Variants in RCBTB1 observed in about 807,000 individuals in gnomAD.
RCBTB1 encodes the protein RCC1 and BTB domain-containing protein 1.
In RCBTB1, 46 loss-of-function variants were observed where a neutral mutation model predicts 62.4. That is an observed-to-expected ratio of 0.74 (90% CI 0.58 to 0.94). The LOEUF is 0.94. Among genes scored for constraint, RCBTB1 ranks in the 40% least tolerant of loss-of-function variants. RCBTB1 has a pLI of 0.00. For missense variants in RCBTB1, 565 were observed against 654.9 expected (o/e 0.86, Z 1.50); for synonymous variants, 222 against 245.8 (o/e 0.90, Z 0.91).
chr13:49,549,335 A>C, intron 9 of RCBTB1, 123 bp downstream of exon 9: 2 of 842,326 alleles, frequency 2.4e-6, no homozygotes, highest in Non-Finnish European at 3.6e-6. Context: ...TTTTGACGGA[A>C]CGTATGAAAG....
intron 2 of RCBTB1, among the ~76,000 whole-genome samples, chr13:49,572,828 G>A (rs933604339): frequency 2.6e-5 from 4 of 152,126 alleles, no homozygotes; most frequent in African/African-American, 9.7e-5. Context: ...AATCACTCCA[G>A]AGGGTTGCAC....
At chr13:49,553,241 A>C (rs1453461104) in intron 6 of RCBTB1, among the ~76,000 whole-genome samples, 1 of 152,210 alleles carries the variant, frequency 6.6e-6, no homozygotes, top group Admixed American at 6.5e-5. Context: ...AAAGTGCAAT[A>C]CATCTATAAA....
At chr13:49,534,483 A>T (rs1416974957) in intron 12 of RCBTB1, among the ~76,000 whole-genome samples, 1 of 152,042 alleles carries the variant, frequency 6.6e-6, no homozygotes, top group Non-Finnish European at 1.5e-5. Flanking sequence ...CTCTAACTCA[A>T]AGTACGACTC....
At chr13:49,554,349 A>C (rs80145613) in intron 6 of RCBTB1, among the ~76,000 whole-genome samples, 4,048 of 152,308 alleles carry the variant, frequency 0.027, 133 homozygotes, top group East Asian at 0.15. Flanking sequence ...TAAAAATTAA[A>C]CTTATTTTTA....
In RCBTB1 at chr13:49,551,454, G is replaced by A. The variant is rs752587795; in HGVS notation, c.726C>T (p.Tyr242=). Residue 242 remains tyrosine (Y), a synonymous_variant, in exon 8 of 13, where the codon TAC becomes TAT. Transcript: ENST00000378302. Reference sequence around the variant, plus strand: ...CATCTGTTAGTGCTAGAGTATGTGCGTAACCGCAGACAATCTGCAAGTAAA... The same window carrying A: ...CATCTGTTAGTGCTAGAGTATGTGCATAACCGCAGACAATCTGCAAGTAAA... ...SVCVNQIVCG[Y]AHTLALTDEG... 146 of 1,613,938 alleles carry A rather than the reference G, an allele frequency of 9.0e-5. No homozygotes were observed. The highest frequency in any genetic ancestry group is 1.6e-4 in the Middle Eastern group (1 of 6,084).
intron 5 of RCBTB1, among the ~76,000 whole-genome samples, chr13:49,559,669 A>G (rs993133305): frequency 6.6e-6 from 1 of 151,410 alleles, no homozygotes; most frequent in East Asian, 1.9e-4. Flanking sequence ...AAAAAAAAAA[A>G]AAAGAAAGTT....
chr13:49,551,130 G>GAGGGAGA (rs1269040537), intron 8 of RCBTB1, 196 bp downstream of exon 8: 2 of 524,224 alleles, frequency 3.8e-6, no homozygotes, highest in Admixed American at 3.7e-5. Context: ...GGGAAGGGGG[G>GAGGGAGA]AGGGAGAAGG....
rs202071748 is a variant in RCBTB1 at position 49,549,660 on chromosome 13, T to C, written c.855-12A>G. On this transcript the variant is annotated splice_polypyrimidine_tract_variant and intron_variant, in intron 8 of 12. Transcript: ENST00000378302. ...CAATCTCTACCACCCTGAAAAGTTT[T>C]AAGAAAAATGCATGTTACTTCATGA... 104 of 1,592,468 alleles carry C rather than the reference T, an allele frequency of 6.5e-5. No homozygotes were observed. The highest frequency in any genetic ancestry group is 8.4e-5 in the Non-Finnish European group (98 of 1,166,528).
At chr13:49,544,969 T>A (rs1960683727) in intron 9 of RCBTB1, 106 bp from the exon 10 acceptor site, 1 of 954,836 alleles carries the variant, frequency 1.0e-6, no homozygotes, top group African/African-American at 1.7e-5. Context: ...TTCCACTTGT[T>A]TTTTTTTCAA....
intron 1 of RCBTB1, among the ~76,000 whole-genome samples, chr13:49,583,284 A>G (rs1964210252): frequency 6.6e-6 from 1 of 152,146 alleles, no homozygotes; most frequent in Non-Finnish European, 1.5e-5. Flanking sequence ...CAGGATGGTA[A>G]GACCAAGCCC....
At chr13:49,537,996 G>C (rs1240078265) in intron 12 of RCBTB1, 2 of 152,206 alleles carry the variant, frequency 1.3e-5, no homozygotes, top group Non-Finnish European at 2.9e-5. Flanking sequence ...AGAAAGACAA[G>C]AAACATTGGA....
At chr13:49,548,711 T>A (rs1385659170) in intron 9 of RCBTB1, among the ~76,000 whole-genome samples, 1 of 151,876 alleles carries the variant, frequency 6.6e-6, no homozygotes, top group African/African-American at 2.4e-5. Context: ...GGTCACATAT[T>A]GTATGCTTCC....
In RCBTB1 at chr13:49,567,146, ACT is replaced by A; in HGVS notation, c.126+6_126+7del. On this transcript the variant is annotated splice_donor_region_variant and intron_variant, in intron 3 of 12. Transcript: ENST00000378302. The stretch of plus-strand genomic sequence containing the variant: ...CTAAAACGAAACTAGGTTTCAAGAG[ACT>A]CTTACCTCATCATTGTCAGTAACGT... 1 of 1,613,550 alleles carries A rather than the reference ACT, an allele frequency of 6.2e-7. No individual in the cohort carries two copies. The highest frequency in any genetic ancestry group is 8.5e-7 in the Non-Finnish European group (1 of 1,179,734).
intron 5 of RCBTB1, 105 bp from the exon 6 acceptor site, chr13:49,555,778 A>T: frequency 1.2e-6 from 1 of 828,760 alleles, no homozygotes; most frequent in Non-Finnish European, 1.9e-6. Context: ...ATGAGTACTT[A>T]AGATGTGCTA....
At chr13:49,558,448 T>C (rs1478219574) in intron 5 of RCBTB1, among the ~76,000 whole-genome samples, 6 of 152,018 alleles carry the variant, frequency 3.9e-5, no homozygotes, top group African/African-American at 7.2e-5. Context: ...TCCCAGCACT[T>C]TGGGAGGCCG....
chr13:49,566,878 A>T, intron 3 of RCBTB1, 110 bp from the exon 4 acceptor site: 1 of 1,051,402 alleles, frequency 9.5e-7, no homozygotes. Flanking sequence ...CAGGAGGTGA[A>T]AAGAGACTGA....
intron 6 of RCBTB1, among the ~76,000 whole-genome samples, chr13:49,554,696 T>C (rs1961697576): frequency 6.6e-6 from 1 of 152,146 alleles, no homozygotes; most frequent in Non-Finnish European, 1.5e-5. Context: ...CAACAAGGCA[T>C]CTAGGCTGTG....
At chr13:49,565,756 G>C (rs543012978) in intron 4 of RCBTB1, among the ~76,000 whole-genome samples, 275 of 152,278 alleles carry the variant, frequency 1.8e-3, no homozygotes, top group African/African-American at 6.4e-3. Flanking sequence ...CACCCCGTCT[G>C]GGAGGTGTAC....
chr13:49,581,906 T>A (rs76175523), intron 1 of RCBTB1, among the ~76,000 whole-genome samples: 12,197 of 152,284 alleles, frequency 0.08, 766 homozygotes, highest in East Asian at 0.33. Flanking sequence ...AGAGGCCAGG[T>A]TGCAGCAGGT....
Sources: gnomAD v4.1 joint callset for allele counts (sites outside exome capture counted in the v4.1 genomes callset) on GRCh38, gnomAD v4.1.1 for gene constraint, MANE v1.5 for transcripts, NCBI Gene and HGNC (gene_info 2026-07-23, HGNC 2026-07-21) for gene names.